BABAM2: variants seen among roughly 807,000 people sequenced by gnomAD.
BABAM2 encodes BRISC and BRCA1 A complex member 2.
A neutral mutation model predicts 54.7 loss-of-function variants in BABAM2; 31 were observed. The observed-to-expected ratio is 0.57, with a 90% CI of 0.43 to 0.77. The LOEUF (loss-of-function observed/expected upper bound fraction) is 0.77. Ranked by LOEUF, BABAM2 falls within the 30% of genes least tolerant of loss-of-function variation. BABAM2 has a pLI of 0.00. For missense variants in BABAM2, 364 were observed against 455.8 expected, an observed-to-expected ratio of 0.80 and a Z score of 1.83; for synonymous variants, 167 against 162.9, an observed-to-expected ratio of 1.03 and a Z score of -0.19.
At chr2:27,977,470 G>T (rs1408947519) in intron 3 of BABAM2, among the ~76,000 whole-genome samples, 2 of 152,156 alleles carry the variant, frequency 1.3e-5, no homozygotes, top group Non-Finnish European at 2.9e-5. Context: ...TCCCAGTTAA[G>T]AAGAGGGATA....
At chr2:28,282,194 C>T (rs924837271) in intron 10 of BABAM2, among the ~76,000 whole-genome samples, 1 of 152,084 alleles carries the variant, frequency 6.6e-6, no homozygotes, top group East Asian at 1.9e-4. Context: ...TAGATATAAC[C>T]GTAAGATGTT....
chr2:27,990,162 C>T (rs747116818), intron 4 of BABAM2, among the ~76,000 whole-genome samples: 8 of 152,154 alleles, frequency 5.3e-5, no homozygotes, highest in Non-Finnish European at 1.0e-4. Flanking sequence ...CCCAGGGCTT[C>T]TTCATGGATC....
At chr2:27,942,103 G>A (rs1291092501) in intron 3 of BABAM2, among the ~76,000 whole-genome samples, 1 of 152,054 alleles carries the variant, frequency 6.6e-6, no homozygotes, top group Non-Finnish European at 1.5e-5. Flanking sequence ...ATATTAATTT[G>A]TTCTAGCTAA....
In BABAM2 at chr2:28,325,839, A is replaced by C. The variant is rs141615054; in HGVS notation, c.1089-12611A>C. Among the ~76,000 whole-genome samples, 1 of 152,318 alleles carries C rather than the reference A, an allele frequency of 6.6e-6. No homozygotes were observed. Among genetic ancestry groups the C allele is most frequent in the Non-Finnish European group, 1.5e-5 (1 of 68,022 alleles). ...GGAAGCCATGAGCTCTGGCCTCTGG[A>C]TGCTGAGATCTGGTGGAAGAAAGTG... On this transcript the variant is annotated intron_variant, in intron 11 of 11. Coordinates refer to ENST00000379624, the MANE Select transcript of BABAM2 (RefSeq NM_199191.3). This position sits in a 1 kb window ranked among gnomAD's most constrained non-coding sequence, Gnocchi z 4.3.
At chr2:28,118,881 C>G (rs990246119) in intron 6 of BABAM2, among the ~76,000 whole-genome samples, 4 of 151,862 alleles carry the variant, frequency 2.6e-5, no homozygotes, top group African/African-American at 9.7e-5. Context: ...GTTGTTAATC[C>G]ATCTTGAGTT....
At chr2:28,127,675 C>T (rs1339559481) in intron 6 of BABAM2, among the ~76,000 whole-genome samples, 4 of 151,962 alleles carry the variant, frequency 2.6e-5, no homozygotes, top group Non-Finnish European at 5.9e-5. Context: ...GCAAGGAGAC[C>T]GAAGGTTCCG....
chr2:28,055,778 A>T (rs1678357361), intron 6 of BABAM2, among the ~76,000 whole-genome samples: 1 of 152,218 alleles, frequency 6.6e-6, no homozygotes, highest in Non-Finnish European at 1.5e-5. Context: ...CCTCATAAAG[A>T]TCTCTGCACA....
chr2:28,192,893 C>G (rs1314607578), intron 7 of BABAM2, among the ~76,000 whole-genome samples: 2 of 151,476 alleles, frequency 1.3e-5, no homozygotes, highest in Non-Finnish European at 2.9e-5. Flanking sequence ...GTTCTGTTGG[C>G]TGGGTGCGGT....
intron 2 of BABAM2, among the ~76,000 whole-genome samples, chr2:27,917,317 A>G (rs1558585030): frequency 6.6e-6 from 1 of 152,164 alleles, no homozygotes; most frequent in Non-Finnish European, 1.5e-5. Context: ...CGCCCGGCCC[A>G]AAGTGTTTTT....
chr2:28,236,736 G>C (rs1681952000), intron 7 of BABAM2, among the ~76,000 whole-genome samples: 1 of 152,200 alleles, frequency 6.6e-6, no homozygotes, highest in African/African-American at 2.4e-5. Flanking sequence ...GCTTGGATCA[G>C]TGATTATTGA....
At chr2:27,900,542 G>T (rs112116244) in intron 2 of BABAM2, among the ~76,000 whole-genome samples, 1 of 151,970 alleles carries the variant, frequency 6.6e-6, no homozygotes, top group Non-Finnish European at 1.5e-5. Flanking sequence ...ATCTATCTTC[G>T]TACTTTTCAC....
intron 3 of BABAM2, among the ~76,000 whole-genome samples, chr2:27,963,535 T>A (rs1670628706): frequency 6.6e-6 from 1 of 150,762 alleles, no homozygotes; most frequent in Non-Finnish European, 1.5e-5. Context: ...AAGGATTCAG[T>A]AAATTGTCTG....
intron 5 of BABAM2, among the ~76,000 whole-genome samples, chr2:28,027,607 G>A (rs1558668767): frequency 6.6e-6 from 1 of 152,150 alleles, no homozygotes. Flanking sequence ...CTATGTTTGA[G>A]GTTCATCCAT....
chr2:28,184,314 C>T (rs975171651), intron 7 of BABAM2, among the ~76,000 whole-genome samples: 5 of 139,200 alleles, frequency 3.6e-5, no homozygotes, highest in Admixed American at 1.6e-4. Context: ...CTCTCTCTCT[C>T]TGTCTCTCTC....
intron 5 of BABAM2, among the ~76,000 whole-genome samples, chr2:28,027,881 G>GT (rs1165989420): frequency 4.6e-5 from 7 of 151,956 alleles, no homozygotes; most frequent in East Asian, 3.9e-4. Flanking sequence ...GCTCCACATG[G>GT]TTTTTTTGCA....
chr2:28,236,136 T>A (rs1681889531), intron 7 of BABAM2, among the ~76,000 whole-genome samples: 2 of 152,088 alleles, frequency 1.3e-5, no homozygotes, highest in Non-Finnish European at 2.9e-5. Flanking sequence ...AAATATCCCA[T>A]CATATTACAG....
At chr2:28,108,182 G>A (rs1253765585) in intron 6 of BABAM2, among the ~76,000 whole-genome samples, 1 of 151,854 alleles carries the variant, frequency 6.6e-6, no homozygotes. Flanking sequence ...GGCAACATTT[G>A]ATTTAGCAGT....
intron 10 of BABAM2, among the ~76,000 whole-genome samples, chr2:28,292,100 C>G (rs181457436): frequency 1.3e-5 from 2 of 152,218 alleles, no homozygotes; most frequent in Admixed American, 6.5e-5. Context: ...ATAACCATAA[C>G]CACCACAAAG....
chr2:28,261,865 C>T (rs182060551), intron 10 of BABAM2, among the ~76,000 whole-genome samples: 2 of 148,016 alleles, frequency 1.4e-5, no homozygotes, highest in East Asian at 4.2e-4. Flanking sequence ...TTTATCCCTT[C>T]GGTCATCATG....
Sources: allele counts gnomAD v4.1 joint callset (sites outside exome capture counted in the v4.1 genomes callset), GRCh38; gene constraint gnomAD v4.1.1; non-coding constraint Gnocchi (gnomAD v3.1); transcripts MANE v1.5; gene names NCBI Gene and HGNC (gene_info 2026-07-23, HGNC 2026-07-21).